Variants in SH2D4A observed in about 807,000 individuals in gnomAD.
SH2D4A encodes SH2 domain containing 4A, also known as SH2 domain-containing protein 4A.
Under a neutral mutation model 64.7 loss-of-function variants are expected in SH2D4A, and 70 were observed. The observed-to-expected ratio is 1.08, with a 90% CI of 0.89 to 1.32. The LOEUF is 1.32. Ranked by LOEUF, SH2D4A falls within the 40% of genes most tolerant of loss-of-function variation. The pLI, the probability that SH2D4A is intolerant of heterozygous loss-of-function variation, is 0.00. For synonymous variants in SH2D4A, 268 were observed against 200.7 expected (o/e 1.34, Z -2.83); for missense variants, 706 against 540.1 (o/e 1.31, Z -3.04).
intron 8 of SH2D4A, among the ~76,000 whole-genome samples, chr8:19,383,361 A>G (rs76786787): frequency 0.02 from 2,965 of 146,860 alleles, 105 homozygotes; most frequent in African/African-American, 0.071. Flanking sequence ...TTTTCATTTT[A>G]GTTATACTTT....
intron 1 of SH2D4A, among the ~76,000 whole-genome samples, chr8:19,317,975 C>T (rs2052118973): frequency 6.6e-6 from 1 of 151,952 alleles, no homozygotes; most frequent in Admixed American, 6.5e-5. Context: ...GATCTCGGCT[C>T]ACTGCAACCT....
chr8:19,347,242 C>T (rs2052627169), intron 4 of SH2D4A, among the ~76,000 whole-genome samples: 1 of 152,150 alleles, frequency 6.6e-6, no homozygotes, highest in Non-Finnish European at 1.5e-5. Context: ...GTCCTCCTGC[C>T]AGGTTTTGAG....
intron 4 of SH2D4A, among the ~76,000 whole-genome samples, chr8:19,336,934 T>C (rs965312172): frequency 2.0e-5 from 3 of 152,166 alleles, no homozygotes; most frequent in African/African-American, 4.8e-5. Context: ...TTAGACCTTT[T>C]TTTTTCAAAA....
chr8:19,393,565 T>C, intron 9 of SH2D4A, 24 bp downstream of exon 9: 1 of 1,610,248 alleles, frequency 6.2e-7, no homozygotes, highest in South Asian at 1.1e-5. Flanking sequence ...TAAACTTAAT[T>C]TGCCTTCTGA....
At chr8:19,363,547 A>G (rs2052929724) in intron 6 of SH2D4A, among the ~76,000 whole-genome samples, 1 of 152,090 alleles carries the variant, frequency 6.6e-6, no homozygotes, top group Admixed American at 6.6e-5. Flanking sequence ...GTGGTTAAGC[A>G]TCCCTTTAAT....
At chr8:19,332,884 G>C in intron 2 of SH2D4A, 71 bp from the exon 3 acceptor site, 7 of 1,475,806 alleles carry the variant, frequency 4.7e-6, no homozygotes, top group Non-Finnish European at 6.4e-6. Flanking sequence ...ATACTTTAGT[G>C]ATGGAAACAG....
At chr8:19,379,385 T>C (rs1221177375) in intron 8 of SH2D4A, among the ~76,000 whole-genome samples, 1 of 152,208 alleles carries the variant, frequency 6.6e-6, no homozygotes, top group Non-Finnish European at 1.5e-5. Flanking sequence ...CTCCCTTCTA[T>C]GGATGGGCCA....
intron 7 of SH2D4A, among the ~76,000 whole-genome samples, chr8:19,366,001 T>C (rs961059970): frequency 6.6e-6 from 1 of 152,014 alleles, no homozygotes; most frequent in African/African-American, 2.4e-5. Flanking sequence ...TATATACACA[T>C]ACATGCATAT....
chr8:19,371,581 G>A (rs553756432), intron 7 of SH2D4A, among the ~76,000 whole-genome samples: 7 of 151,978 alleles, frequency 4.6e-5, no homozygotes, highest in South Asian at 2.1e-4. Context: ...GGTGACCTTC[G>A]ATCATCCTAT....
At chr8:19,336,734 G>T (rs373919845) in intron 4 of SH2D4A, among the ~76,000 whole-genome samples, 1 of 152,044 alleles carries the variant, frequency 6.6e-6, no homozygotes, top group African/African-American at 2.4e-5. Flanking sequence ...AAGCATGGTG[G>T]TGCATGCCTG....
Position 19,393,575 on chromosome 8 carries a change from A to T in SH2D4A, c.1272+34A>T, listed in dbSNP as rs770416526. The T allele has an allele frequency of 1.1e-5, 17 of 1,601,724 alleles. No individual in the cohort carries two copies. In the African/African-American group the frequency reaches 1.5e-4, roughly 14 times the overall value. ...ATGCATAAACTTAATTTGCCTTCTG[A>T]GTTACTGTCCTGTAGCAGCTCTAAC... On this transcript the variant is annotated intron_variant, in intron 9 of 9. Transcript: ENST00000265807.
At chr8:19,363,690 A>G (rs2052932499) in intron 6 of SH2D4A, 3 of 291,362 alleles carry the variant, frequency 1.0e-5, no homozygotes, top group South Asian at 3.7e-5. Flanking sequence ...TAAGTCATGC[A>G]GGGCGTGACA....
Position 19,329,072 on chromosome 8 carries a change from C to T in SH2D4A, c.182-3883C>T, listed in dbSNP as rs1326366148. Among the ~76,000 whole-genome samples the T allele has an allele frequency of 2.0e-5, 3 of 152,154 alleles. No homozygotes were observed. The East Asian group carries it at 5.8e-4, about 29-fold the overall frequency. On this transcript the variant is annotated intron_variant, in intron 2 of 9. Coordinates refer to ENST00000265807, the MANE Select transcript of SH2D4A (RefSeq NM_022071.4). ...GTGCCCCTCTCGGCCCTGGTGGAGA[C>T]CCTCATTTCCTATTGCCCATGGCTG...
At chr8:19,363,106 G>A (rs181427218) in intron 6 of SH2D4A, among the ~76,000 whole-genome samples, 8 of 151,812 alleles carry the variant, frequency 5.3e-5, no homozygotes, top group Middle Eastern at 3.4e-3. Flanking sequence ...ATGGAGTTTC[G>A]CTCTTGTCAC....
intron 4 of SH2D4A, among the ~76,000 whole-genome samples, chr8:19,344,096 G>A (rs1585162478): frequency 6.6e-6 from 1 of 152,178 alleles, no homozygotes; most frequent in African/African-American, 2.4e-5. Context: ...GTCACCTTAT[G>A]GAAGAAGAGT....
intron 8 of SH2D4A, among the ~76,000 whole-genome samples, chr8:19,392,293 C>T (rs370383210): frequency 3.8e-4 from 58 of 152,266 alleles, no homozygotes; most frequent in African/African-American, 1.3e-3. Flanking sequence ...GGCTAAGGTA[C>T]TTTATAGAAC....
chr8:19,329,194 C>T (rs533276510), intron 2 of SH2D4A, among the ~76,000 whole-genome samples: 75 of 152,166 alleles, frequency 4.9e-4, no homozygotes, highest in Non-Finnish European at 7.8e-4. Flanking sequence ...ATCCATCCTC[C>T]CATACTCAGT....
intron 2 of SH2D4A, among the ~76,000 whole-genome samples, chr8:19,332,452 G>A (rs564131202): frequency 6.6e-6 from 1 of 152,054 alleles, no homozygotes; most frequent in Non-Finnish European, 1.5e-5. Context: ...TGGCCAAGAT[G>A]GTGAAATCCT....
Position 19,319,497 on chromosome 8 carries a change from CCA to C in SH2D4A, c.-50_-49del, listed in dbSNP as rs1563181717. 2.1e-6 allele frequency: 3 copies of C among 1,410,662 alleles called. No homozygotes were observed. The highest frequency in any genetic ancestry group is 1.5e-5 in the African/African-American group (1 of 67,848). The allele number at this position is 1,410,662 out of a possible 1,614,324, so 87.4% of individuals were successfully genotyped here. ...GCACAGGTGGAGGGACACCTGGAGG[CCA>C]GTTTCAGGAACTTTTGCCACAAGTA... On this transcript the variant is annotated 5_prime_UTR_variant, in exon 2 of 10. Coordinates refer to ENST00000265807, the MANE Select transcript of SH2D4A (RefSeq NM_022071.4).
Sources: gnomAD v4.1 joint callset for allele counts (sites outside exome capture counted in the v4.1 genomes callset) on GRCh38, gnomAD v4.1.1 for gene constraint, MANE v1.5 for transcripts, NCBI Gene and HGNC (gene_info 2026-07-23, HGNC 2026-07-21) for gene names.